Variants in TRIM2 observed in about 807,000 individuals in gnomAD.
The protein encoded by TRIM2 is tripartite motif-containing protein 2.
A neutral mutation model predicts 75.2 loss-of-function variants in TRIM2; 20 were observed. That is an observed-to-expected ratio of 0.27 (90% CI 0.19 to 0.39). The LOEUF is 0.39. TRIM2 is among the 10% of genes least tolerant of loss of function. The probability of loss-of-function intolerance (pLI) is 1.00; values close to 1 mark genes in which losing one functional copy is unlikely to be tolerated. For missense variants in TRIM2, 660 were observed against 990.8 expected (o/e 0.67, Z 4.48); for synonymous variants, 373 against 388.3 (o/e 0.96, Z 0.46).
intron 3 of TRIM2, among the ~76,000 whole-genome samples, chr4:153,279,464 C>CAAAGAAAT (rs57619787): frequency 0.41 from 62,323 of 151,508 alleles, 15,590 homozygotes; most frequent in African/African-American, 0.72. Context: ...ATTATTTAAT[C>CAAAGAAAT]AATAGAAAAT....
intron 1 of TRIM2, among the ~76,000 whole-genome samples, chr4:153,160,907 C>G (rs1167185529): frequency 2.0e-5 from 3 of 152,144 alleles, no homozygotes; most frequent in Admixed American, 6.6e-5. Context: ...CCATGCCTGG[C>G]CAGGCTTCAT....
chr4:153,308,479 A>C (rs1348368422), intron 6 of TRIM2: 3 of 771,536 alleles, frequency 3.9e-6, no homozygotes, highest in South Asian at 1.3e-5. Flanking sequence ...GCCACTATCT[A>C]GGTGGCCAGA....
At chr4:153,268,382 C>G (rs914681772) in intron 1 of TRIM2, among the ~76,000 whole-genome samples, 4 of 152,050 alleles carry the variant, frequency 2.6e-5, no homozygotes, top group Admixed American at 2.0e-4. Flanking sequence ...TTTTCAGAGT[C>G]GAACTATAAG....
chr4:153,270,631 T>G, intron 2 of TRIM2, 112 bp downstream of exon 2: 12 of 924,342 alleles, frequency 1.3e-5, no homozygotes, highest in African/African-American at 1.7e-5. Context: ...AACTAATCTC[T>G]TGTGCTTCTG....
chr4:153,236,164 C>G (rs889492669), intron 1 of TRIM2, among the ~76,000 whole-genome samples: 3 of 152,070 alleles, frequency 2.0e-5, no homozygotes, highest in Non-Finnish European at 4.4e-5. Flanking sequence ...TTACTGAGGC[C>G]TTCCCAGTCC....
At chr4:153,163,746 C>T (rs963450305) in intron 1 of TRIM2, among the ~76,000 whole-genome samples, 6 of 151,746 alleles carry the variant, frequency 4.0e-5, no homozygotes, top group African/African-American at 9.7e-5. Flanking sequence ...AGGTGATCTG[C>T]CCGCCTCGGC....
At chr4:153,209,402 G>C (rs915789725) in intron 1 of TRIM2, among the ~76,000 whole-genome samples, 21 of 152,142 alleles carry the variant, frequency 1.4e-4, no homozygotes, top group African/African-American at 5.1e-4. Flanking sequence ...AGGGGCCCTG[G>C]GAGTTGTTTA....
At chr4:153,235,418 G>A (rs1331878334) in intron 1 of TRIM2, among the ~76,000 whole-genome samples, 3 of 151,904 alleles carry the variant, frequency 2.0e-5, no homozygotes, top group Non-Finnish European at 4.4e-5. Flanking sequence ...CCAAGTAGCT[G>A]GGACTACAGG....
At chr4:153,289,551 A>G (rs1761400515) in intron 3 of TRIM2, among the ~76,000 whole-genome samples, 1 of 151,984 alleles carries the variant, frequency 6.6e-6, no homozygotes, top group African/African-American at 2.4e-5. Context: ...GATTTTTTAC[A>G]TTTTTCGCGA....
In TRIM2 at chr4:153,329,144, A is replaced by G. The variant is rs567912217; in HGVS notation, c.2163+474A>G. Among the ~76,000 whole-genome samples the G allele has an allele frequency of 4.6e-5, 7 of 152,244 alleles. No individual in the cohort carries two copies. In the South Asian group the frequency reaches 1.2e-3, roughly 27 times the overall value. ...ACTTCAAAATTACAGTAATTATTAG[A>G]CCCATTACTATTTCTTATTATTTAA... On this transcript the variant is annotated intron_variant, in intron 11 of 11. Transcript: ENST00000338700.
intron 8 of TRIM2, among the ~76,000 whole-genome samples, chr4:153,318,472 C>T (rs111371485): frequency 1.1e-3 from 173 of 152,208 alleles, no homozygotes; most frequent in African/African-American, 3.7e-3. Context: ...AATTTAATGG[C>T]TCTGTATGAT....
intron 6 of TRIM2, among the ~76,000 whole-genome samples, chr4:153,313,569 C>T (rs1766829437): frequency 6.6e-6 from 1 of 151,740 alleles, no homozygotes; most frequent in Admixed American, 6.6e-5. Flanking sequence ...CCAGTGCATC[C>T]TTGTCTACCC....
chr4:153,153,785 G>A (rs1728960427), intron 1 of TRIM2, among the ~76,000 whole-genome samples: 2 of 152,196 alleles, frequency 1.3e-5, no homozygotes, highest in Admixed American at 1.3e-4. Context: ...TCCGGGCCCC[G>A]GAGGGGGCGC....
intron 6 of TRIM2, chr4:153,307,697 T>A: frequency 1.9e-6 from 1 of 530,006 alleles, no homozygotes; most frequent in Non-Finnish European, 3.6e-6. Flanking sequence ...ACAAGCGGGT[T>A]TTCTAGACCT....
chr4:153,333,411 G>A (rs969416270), intron 11 of TRIM2, among the ~76,000 whole-genome samples: 6 of 152,182 alleles, frequency 3.9e-5, no homozygotes, highest in South Asian at 4.1e-4. Context: ...CTACACACAT[G>A]ATAAAATGAC....
rs1330844330 is a variant in TRIM2, at chr4:153,284,045, T to C, written c.453+7915T>C. On this transcript the variant is annotated intron_variant, in intron 3 of 11. Coordinates refer to ENST00000338700, the MANE Select transcript of TRIM2 (RefSeq NM_015271.5). ...TCACCATGCCCAGCTAATTTTTGTATTTTTTTTTTTTTAAGTAGAGATGGG... is the reference window on the plus strand; with the variant it reads ...TCACCATGCCCAGCTAATTTTTGTACTTTTTTTTTTTTAAGTAGAGATGGG... Among the ~76,000 whole-genome samples, 5 of 141,902 alleles carry C rather than the reference T, an allele frequency of 3.5e-5. No homozygotes were observed. In the East Asian group the frequency reaches 6.3e-4, roughly 18 times the overall value. 93.1% of individuals were successfully genotyped at this position (141,902 alleles called of 152,430 possible). A position where few individuals can be genotyped will look rare whatever the true frequency, so the allele number is the denominator to read the frequency against.
intron 1 of TRIM2, among the ~76,000 whole-genome samples, chr4:153,191,109 A>G (rs1024482348): frequency 6.6e-6 from 1 of 152,154 alleles, no homozygotes; most frequent in Non-Finnish European, 1.5e-5. Context: ...CTTCTTCTGA[A>G]GCTTAGCTTT....
chr4:153,201,509 C>T (rs755785515), upstream of TRIM2, among the ~76,000 whole-genome samples: 2 of 151,890 alleles, frequency 1.3e-5, no homozygotes, highest in Non-Finnish European at 2.9e-5. Flanking sequence ...TGTCTTTTCA[C>T]TTTCTTGATA....
intron 3 of TRIM2, among the ~76,000 whole-genome samples, chr4:153,286,772 C>T (rs1004646389): frequency 2.7e-5 from 4 of 149,932 alleles, no homozygotes; most frequent in Non-Finnish European, 5.9e-5. Flanking sequence ...CGCACCCCCC[C>T]ACCATCTCAC....
Sources: gnomAD v4.1 joint callset for allele counts (sites outside exome capture counted in the v4.1 genomes callset) on GRCh38, gnomAD v4.1.1 for gene constraint, MANE v1.5 for transcripts, NCBI Gene and HGNC (gene_info 2026-07-23, HGNC 2026-07-21) for gene names.